GNA14: variants seen among roughly 807,000 people sequenced by gnomAD.
GNA14 encodes guanine nucleotide-binding protein subunit alpha-14.
GNA14 carries 50 observed loss-of-function variants against 42.0 expected under a neutral mutation model. The ratio of observed to expected loss-of-function variants is 1.19; its 90% CI spans 0.95 to 1.51. The LOEUF is 1.51. GNA14 is among the 40% of genes most tolerant of loss of function. GNA14 has a pLI of 0.00. For missense variants in GNA14, 473 were observed against 446.2 expected, an observed-to-expected ratio of 1.06 and a Z score of -0.54; for synonymous variants, 173 against 163.1, an observed-to-expected ratio of 1.06 and a Z score of -0.46.
Position 77,647,899 on chromosome 9 carries a change from A to C in GNA14, c.-106T>G, listed in dbSNP as rs576655122. ...ATGCGACGGGCACAGGGGTGTGGAA[A>C]GAAAAGACGGGGGCCGACTTGAGCT... is the stretch of plus-strand genomic sequence containing the variant. On this transcript the variant is annotated 5_prime_UTR_variant, in exon 1 of 7. Coordinates refer to ENST00000341700, the MANE Select transcript of GNA14 (RefSeq NM_004297.4). 18 of 1,350,794 alleles carry C rather than the reference A, an allele frequency of 1.3e-5. No individual in the cohort carries two copies. In the African/African-American group the frequency reaches 2.2e-4, roughly 17 times the overall value. 83.7% of individuals were successfully genotyped at this position (1,350,794 alleles called of 1,614,324 possible). A position where few individuals can be genotyped will look rare whatever the true frequency, so the allele number is the denominator to read the frequency against.
intron 1 of GNA14, among the ~76,000 whole-genome samples, chr9:77,645,519 T>C (rs1252649373): frequency 6.6e-6 from 1 of 152,200 alleles, no homozygotes; most frequent in Non-Finnish European, 1.5e-5. Flanking sequence ...GGGGATATGC[T>C]AGTCACAACT....
chr9:77,558,933 A>C (rs978010910), intron 1 of GNA14, among the ~76,000 whole-genome samples: 20 of 151,542 alleles, frequency 1.3e-4, no homozygotes, highest in Non-Finnish European at 1.9e-4. Flanking sequence ...AAAAAACAAA[A>C]AAAAAAACAA....
intron 2 of GNA14, among the ~76,000 whole-genome samples, chr9:77,482,706 T>G (rs1039663931): frequency 6.6e-6 from 1 of 152,200 alleles, no homozygotes; most frequent in Non-Finnish European, 1.5e-5. Flanking sequence ...CAGACCTAGA[T>G]TTGGTCTTTT....
At chr9:77,464,891 G>T (rs559160563) in intron 2 of GNA14, among the ~76,000 whole-genome samples, 1 of 152,116 alleles carries the variant, frequency 6.6e-6, no homozygotes, top group Non-Finnish European at 1.5e-5. Context: ...CTTGGACATG[G>T]ACACACAGAG....
At chr9:77,613,672 G>A (rs930683353) in intron 1 of GNA14, among the ~76,000 whole-genome samples, 1 of 152,174 alleles carries the variant, frequency 6.6e-6, no homozygotes, top group African/African-American at 2.4e-5. Context: ...TGTTAAATAT[G>A]TACAGCTTTC....
At chr9:77,530,081 C>T (rs1373507546) in intron 1 of GNA14, among the ~76,000 whole-genome samples, 1 of 152,136 alleles carries the variant, frequency 6.6e-6, no homozygotes, top group Non-Finnish European at 1.5e-5. Context: ...CACAACCACA[C>T]ACACTTGATG....
chr9:77,438,949 C>A (rs1322004896), intron 2 of GNA14, among the ~76,000 whole-genome samples: 1 of 152,234 alleles, frequency 6.6e-6, no homozygotes, highest in Non-Finnish European at 1.5e-5. Context: ...AAAAATTACT[C>A]ATCTTCAGGC....
intron 1 of GNA14, among the ~76,000 whole-genome samples, chr9:77,621,022 C>T (rs1033542775): frequency 3.9e-5 from 6 of 152,108 alleles, no homozygotes; most frequent in Middle Eastern, 3.4e-3. Flanking sequence ...CAGTCTCCAC[C>T]TCCCAGGCTC....
intron 1 of GNA14, among the ~76,000 whole-genome samples, chr9:77,616,492 G>A (rs1823819651): frequency 6.6e-6 from 1 of 152,178 alleles, no homozygotes; most frequent in African/African-American, 2.4e-5. Flanking sequence ...AGGCTCTGAT[G>A]GCTAAGTCAG....
intron 1 of GNA14, among the ~76,000 whole-genome samples, chr9:77,567,821 T>C (rs536334024): frequency 7.4e-6 from 1 of 136,044 alleles, no homozygotes; most frequent in East Asian, 1.9e-4. Context: ...GAGCCAAGAT[T>C]GCACCACTGT....
chr9:77,624,252 G>A (rs1253351171), intron 1 of GNA14, among the ~76,000 whole-genome samples: 1 of 152,224 alleles, frequency 6.6e-6, no homozygotes. Flanking sequence ...ATCTCTGAAA[G>A]AAAGGCAGAA....
chr9:77,616,649 A>G (rs530543527), intron 1 of GNA14, among the ~76,000 whole-genome samples: 1 of 152,348 alleles, frequency 6.6e-6, no homozygotes, highest in Non-Finnish European at 1.5e-5. Flanking sequence ...GCACAGAAAC[A>G]GGACCTCTTA....
rs76753060 is a variant in GNA14 at position 77,558,374 on chromosome 9, A to T, written c.125-29121T>A. ...CTAAGTTTAGATGGCAGAGAGGGGG[A>T]GTTCATTATACTATTGCTTCAAACC... On this transcript the variant is annotated intron_variant, in intron 1 of 6. Transcript: ENST00000341700. Among the ~76,000 whole-genome samples the T allele has an allele frequency of 5.8e-3, 878 of 152,276 alleles. 10 individuals are homozygous for T. The highest frequency in any genetic ancestry group is 0.019 in the African/African-American group (804 of 41,548).
At chr9:77,565,723 G>A (rs1464138971) in intron 1 of GNA14, among the ~76,000 whole-genome samples, 1 of 152,214 alleles carries the variant, frequency 6.6e-6, no homozygotes, top group Non-Finnish European at 1.5e-5. Context: ...CTCTCAAAGT[G>A]CTGGGATTAG....
In GNA14 at chr9:77,602,543, A is replaced by G. The variant is rs1026901377; in HGVS notation, c.124+45127T>C. Among the ~76,000 whole-genome samples the G allele has an allele frequency of 2.6e-5, 4 of 152,250 alleles. No homozygotes were observed. In the South Asian group the frequency reaches 6.2e-4, roughly 24 times the overall value. ...ACCCCTGGGAGAGACCTGGTTTGTA[A>G]CATCAGATCTCTGGGTCATTCTCTC... On this transcript the variant is annotated intron_variant, in intron 1 of 6. Coordinates refer to ENST00000341700, the MANE Select transcript of GNA14 (RefSeq NM_004297.4).
At chr9:77,566,516 T>C (rs1206093758) in intron 1 of GNA14, among the ~76,000 whole-genome samples, 1 of 152,174 alleles carries the variant, frequency 6.6e-6, no homozygotes, top group Non-Finnish European at 1.5e-5. Context: ...GAAATGTTCA[T>C]ACACAACACC....
chr9:77,521,886 G>A (rs550592868), intron 2 of GNA14, among the ~76,000 whole-genome samples: 2 of 152,222 alleles, frequency 1.3e-5, no homozygotes, highest in Admixed American at 1.3e-4. Flanking sequence ...AGGCTGGGGT[G>A]CAATGGCGCG....
intron 2 of GNA14, among the ~76,000 whole-genome samples, chr9:77,474,251 CAT>C (rs527765075): frequency 1.3e-5 from 2 of 152,112 alleles, no homozygotes; most frequent in Non-Finnish European, 2.9e-5. Context: ...GTTTGTAAAT[CAT>C]GTATTTAATA....
At position 77,429,251 on chromosome 9, in the gene GNA14, T is replaced by C. The variant is rs149431875; in HGVS notation, c.594-215A>G. ...TAGCAAAGAAGGGAGAGAATGTAAA[T>C]GACATTTCTGAAGACATGCAGAGGT... On this transcript the variant is annotated intron_variant, in intron 4 of 6. Coordinates refer to ENST00000341700, the MANE Select transcript of GNA14 (RefSeq NM_004297.4). Among the ~76,000 whole-genome samples, 226 of 152,300 alleles carry C rather than the reference T, an allele frequency of 1.5e-3. 1 individual carries two copies. Among genetic ancestry groups the C allele is most frequent in the African/African-American group, 5.2e-3 (217 of 41,564 alleles).
Sources: allele counts gnomAD v4.1 joint callset (sites outside exome capture counted in the v4.1 genomes callset), GRCh38; gene constraint gnomAD v4.1.1; transcripts MANE v1.5; gene names NCBI Gene and HGNC (gene_info 2026-07-23, HGNC 2026-07-21).